The following RINT1 variants were observed in gnomAD, a reference collection of about 807,000 sequenced individuals.
RINT1 encodes RAD50-interacting protein 1.
RINT1 carries 75 observed loss-of-function variants against 97.7 expected under a neutral mutation model. The observed-to-expected ratio is 0.77, with a 90% CI of 0.64 to 0.93. The LOEUF is 0.93. Ranked by LOEUF, RINT1 falls within the 40% of genes least tolerant of loss-of-function variation. The pLI, the probability that RINT1 is intolerant of heterozygous loss-of-function variation, is 0.00. For missense variants in RINT1, 892 were observed against 925.2 expected, an observed-to-expected ratio of 0.96 and a Z score of 0.47; for synonymous variants, 303 against 326.3, an observed-to-expected ratio of 0.93 and a Z score of 0.77.
intron 10 of RINT1, among the ~76,000 whole-genome samples, chr7:105,552,648 C>G (rs1169338369): frequency 6.7e-6 from 1 of 150,282 alleles, no homozygotes; most frequent in Non-Finnish European, 1.5e-5. Context: ...TCATTCCAGC[C>G]CAGTCAGTAA....
chr7:105,555,004 A>G (rs764106005), intron 10 of RINT1, 24 bp from the exon 11 acceptor site: 2 of 1,596,402 alleles, frequency 1.3e-6, no homozygotes, highest in Non-Finnish European at 1.7e-6. Flanking sequence ...AAACCTTCAT[A>G]TGTCTTAATA....
chr7:105,553,887 ATTTTTTTTTTTTTT>A (rs776924728), intron 10 of RINT1, among the ~76,000 whole-genome samples: 10 of 71,152 alleles, frequency 1.4e-4, no homozygotes, highest in East Asian at 9.2e-4. Flanking sequence ...TACCCAGCTA[ATTTTTTTTTTTTTT>A]TTTTTTTTTT....
At chr7:105,533,099 G>A (rs1790099120) in intron 2 of RINT1, among the ~76,000 whole-genome samples, 1 of 152,108 alleles carries the variant, frequency 6.6e-6, no homozygotes, top group Non-Finnish European at 1.5e-5. Flanking sequence ...CCTAGTACAG[G>A]GACTAGAGTG....
chr7:105,532,863 G>A lies in RINT1; in HGVS notation c.82G>A (p.Glu28Lys), dbSNP rs1790088810. Reference sequence around the variant, plus strand: ...TGGTGACGAAAGGAAGAACCTCGAGGAGAAAAGTAAGCCAGCTCCAAACAC... The same window carrying A: ...TGGTGACGAAAGGAAGAACCTCGAGAAGAAAAGTAAGCCAGCTCCAAACAC... ...ESGDERKNLE[E>K]KSDINVTVLI... The change falls in exon 2 of 15, where the codon GAG (glutamate) becomes AAG (lysine). Residue 28 changes from glutamate to lysine, a missense_variant. Physicochemically the swap from Glu to Lys is moderately conservative, Grantham distance 56. Coordinates refer to ENST00000257700, the MANE Select transcript of RINT1 (RefSeq NM_021930.6). 1 of 1,614,166 alleles carries A rather than the reference G, an allele frequency of 6.2e-7. No homozygotes were observed. The highest frequency in any genetic ancestry group is 8.5e-7 in the Non-Finnish European group (1 of 1,180,000).
Position 105,542,432 on chromosome 7 carries a change from C to G in RINT1, c.298C>G (p.Pro100Ala). 1.9e-6 allele frequency: 3 copies of G among 1,608,838 alleles called. No homozygotes were observed. The South Asian group carries it at 3.3e-5, about 18-fold the overall frequency. Residue 100 changes from proline to alanine, a missense_variant, in exon 4 of 15, where the codon CCT becomes GCT. Coordinates refer to ENST00000257700, the MANE Select transcript of RINT1 (RefSeq NM_021930.6). ...EQVLTISSEIPKRIRSALKNA... is the reference protein window; with the variant it reads ...EQVLTISSEIAKRIRSALKNA... ...GGTACTTACAATTTCATCAGAAATT[C>G]CTAAAAGAATTCGAAGTGCCTTAAA...
chr7:105,560,966 C>T (rs1381635806), intron 11 of RINT1, among the ~76,000 whole-genome samples: 4 of 152,048 alleles, frequency 2.6e-5, no homozygotes, highest in African/African-American at 7.2e-5. Context: ...AGTGATCCGC[C>T]GCCCCGGGCT....
At chr7:105,533,277 T>G (rs965947950) in intron 2 of RINT1, among the ~76,000 whole-genome samples, 1 of 152,184 alleles carries the variant, frequency 6.6e-6, no homozygotes, top group African/African-American at 2.4e-5. Context: ...GACAGTTGTT[T>G]AGTTCACCTT....
At chr7:105,550,235 T>A in intron 8 of RINT1, 26 bp from the exon 9 acceptor site, 1 of 1,609,408 alleles carries the variant, frequency 6.2e-7, no homozygotes, top group Non-Finnish European at 8.5e-7. Context: ...TTTATTTACA[T>A]ACCTCATGTT....
chr7:105,537,383 G>C (rs1057509873), intron 3 of RINT1, among the ~76,000 whole-genome samples: 1 of 151,244 alleles, frequency 6.6e-6, no homozygotes. Flanking sequence ...ACCTGCCTTG[G>C]CCTCCCATAG....
intron 6 of RINT1, among the ~76,000 whole-genome samples, chr7:105,548,310 C>T (rs1294161210): frequency 2.6e-5 from 4 of 152,178 alleles, no homozygotes; most frequent in Non-Finnish European, 5.9e-5. Flanking sequence ...GCTGGGATTA[C>T]AGGCATGATT....
At chr7:105,553,539 T>G (rs1791030043) in intron 10 of RINT1, among the ~76,000 whole-genome samples, 1 of 150,490 alleles carries the variant, frequency 6.6e-6, no homozygotes, top group African/African-American at 2.4e-5. Flanking sequence ...GCTAACACAG[T>G]GAAACCCCGT....
At chr7:105,551,989 G>C (rs1432140065) in intron 10 of RINT1, among the ~76,000 whole-genome samples, 1 of 152,098 alleles carries the variant, frequency 6.6e-6, no homozygotes, top group East Asian at 1.9e-4. Context: ...GATTTTTTGA[G>C]CATGGGAGGT....
chr7:105,558,796 CATAAA>C (rs58024494), intron 11 of RINT1, among the ~76,000 whole-genome samples: 3 of 150,348 alleles, frequency 2.0e-5, no homozygotes, highest in Non-Finnish European at 4.4e-5. Flanking sequence ...CCTGTCTCTA[CATAAA>C]ATAAAATAAA....
chr7:105,563,844 A>T lies in RINT1; in HGVS notation c.1783A>T (p.Met595Leu). 6.2e-7 allele frequency: 1 copy of T among 1,614,200 alleles called. No homozygotes were observed. Among genetic ancestry groups the T allele is most frequent in the South Asian group, 1.1e-5 (1 of 91,086 alleles). ...TATGGAGAGCTCTGTCTTTGATGAC[A>T]TGATTAACCTCTTAGAACGTTTAAA... ...ASMESSVFDDMINLLERLKHD... is the reference protein window; with the variant it reads ...ASMESSVFDDLINLLERLKHD... Residue 595 changes from methionine to leucine, a missense_variant, in exon 12 of 15, where the codon ATG becomes TTG. By Grantham distance (15) the Met-to-Leu change is conservative (BLOSUM62 2). Coordinates refer to ENST00000257700, the MANE Select transcript of RINT1 (RefSeq NM_021930.6).
At chr7:105,545,533 T>G (rs867598697) in intron 4 of RINT1, among the ~76,000 whole-genome samples, 1 of 147,068 alleles carries the variant, frequency 6.8e-6, no homozygotes, top group African/African-American at 2.5e-5. Context: ...TATATATATT[T>G]TTTTTTTTTT....
intron 10 of RINT1, among the ~76,000 whole-genome samples, chr7:105,552,081 A>G (rs1790952852): frequency 6.6e-6 from 1 of 152,144 alleles, no homozygotes; most frequent in South Asian, 2.1e-4. Flanking sequence ...AGTAATCAAT[A>G]AATAAGTGGC....
rs1790704989 is a variant in RINT1 at position 105,547,200 on chromosome 7, T to G, written c.706T>G (p.Leu236Val). The change falls in exon 6 of 15, where the codon TTA becomes GTA. Residue 236 changes from leucine (L) to valine (V), a missense_variant. By Grantham distance (32) the Leu-to-Val change is conservative. Coordinates refer to ENST00000257700, the MANE Select transcript of RINT1 (RefSeq NM_021930.6). ...DKLTSDFEEILAQLHWPFIAP... is the reference protein window; with the variant it reads ...DKLTSDFEEIVAQLHWPFIAP... ...CCATTGCAGTGATTTTGAGGAAATT[T>G]TAGCACAGCTTCATTGGCCATTCAT... 2 of 1,614,204 alleles carry G rather than the reference T, an allele frequency of 1.2e-6. No homozygotes were observed. The highest frequency in any genetic ancestry group is 1.7e-6 in the Non-Finnish European group (2 of 1,180,044).
chr7:105,549,963 G>A, intron 7 of RINT1, 92 bp from the exon 8 acceptor site: 1 of 752,706 alleles, frequency 1.3e-6, no homozygotes, highest in Non-Finnish European at 2.1e-6. Context: ...ATTTTTATAA[G>A]TGTTGTGCAT....
chr7:105,550,552 T>C, intron 9 of RINT1, 66 bp downstream of exon 9: 7 of 1,215,330 alleles, frequency 5.8e-6, no homozygotes, highest in Non-Finnish European at 8.4e-6. Context: ...ATTTTTGATA[T>C]TTTTCTTCTC....
Sources: allele counts gnomAD v4.1 joint callset (sites outside exome capture counted in the v4.1 genomes callset), GRCh38; gene constraint gnomAD v4.1.1; transcripts MANE v1.5; gene names NCBI Gene and HGNC (gene_info 2026-07-23, HGNC 2026-07-21).